PNPT1: variants seen among roughly 807,000 people sequenced by gnomAD.
The protein encoded by PNPT1 is polyribonucleotide nucleotidyltransferase 1.
Under a neutral mutation model 119.5 loss-of-function variants are expected in PNPT1, and 53 were observed. The observed-to-expected ratio is 0.44, with a 90% confidence interval of 0.36 to 0.56. The LOEUF is 0.56. PNPT1 is among the 20% of genes least tolerant of loss of function. The pLI is 0.00. For synonymous variants in PNPT1, 357 were observed against 322.1 expected (o/e 1.11, Z -1.16); for missense variants, 948 against 938.5 (o/e 1.01, Z -0.13).
chr2:55,675,187 G>C (rs560108599), intron 8 of PNPT1, among the ~76,000 whole-genome samples: 2 of 152,148 alleles, frequency 1.3e-5, no homozygotes, highest in African/African-American at 4.8e-5. Context: ...ATGATCACTT[G>C]AGGCCAGCAG....
intron 7 of PNPT1, among the ~76,000 whole-genome samples, chr2:55,680,425 T>A (rs1697209295): frequency 7.6e-6 from 1 of 132,232 alleles, no homozygotes; most frequent in Non-Finnish European, 1.6e-5. Context: ...ATTTCCCAGT[T>A]AAAAAAAAAA....
intron 19 of PNPT1, 94 bp from the exon 20 acceptor site, chr2:55,646,580 T>A: frequency 1.1e-6 from 1 of 949,554 alleles, no homozygotes; most frequent in Non-Finnish European, 1.6e-6. Flanking sequence ...GCTTTAGAAG[T>A]AAACCATATC....
chr2:55,652,156 C>G (rs1370925522), intron 18 of PNPT1, among the ~76,000 whole-genome samples: 1 of 150,804 alleles, frequency 6.6e-6, no homozygotes, highest in African/African-American at 2.4e-5. Flanking sequence ...TGTATTATTA[C>G]CTCTTCAATC....
intron 2 of PNPT1, 35 bp downstream of exon 2, chr2:55,687,610 T>G (rs1157061220): frequency 6.6e-7 from 1 of 1,515,128 alleles, no homozygotes; most frequent in Non-Finnish European, 8.9e-7. Flanking sequence ...CCGTAACCAT[T>G]TTTAAGATGA....
intron 13 of PNPT1, among the ~76,000 whole-genome samples, chr2:55,665,516 T>A (rs533606650): frequency 6.6e-6 from 1 of 152,220 alleles, no homozygotes; most frequent in South Asian, 2.1e-4. Flanking sequence ...CAGAAATTAC[T>A]ACAAAATAGC....
Position 55,667,928 on chromosome 2 carries a change from A to G in PNPT1, c.1007T>C (p.Ile336Thr). ...EKFPEADPYE[I>T]IESFNVVAKE... is the part of the protein sequence containing the mutation. ...TGCAACAACATTGAAGGATTCTATT[A>G]TTTCATATGGATCGGCTTCTGGAAA... The change falls in exon 12 of 28, where the codon ATA becomes ACA. Residue 336 changes from isoleucine to threonine, a missense_variant. Physicochemically the swap from Ile to Thr is moderately conservative, Grantham distance 89. Transcript: ENST00000447944. 3 of 1,579,834 alleles carry G rather than the reference A, an allele frequency of 1.9e-6. No individual in the cohort carries two copies. The highest frequency in any genetic ancestry group is 2.6e-6 in the Non-Finnish European group (3 of 1,171,628).
chr2:55,686,491 T>A (rs1471370589), intron 2 of PNPT1, 47 bp from the exon 3 acceptor site: 2 of 1,450,444 alleles, frequency 1.4e-6, no homozygotes, highest in Non-Finnish European at 1.9e-6. Flanking sequence ...AAATCAGATA[T>A]TAGCATCTAA....
Position 55,662,024 on chromosome 2 carries a change from C to T in PNPT1, c.1179G>A (p.Val393=). The T allele has an allele frequency of 1.9e-6, 3 of 1,562,504 alleles. No homozygotes were observed. Among genetic ancestry groups the T allele is most frequent in the Non-Finnish European group, 2.6e-6 (3 of 1,162,132 alleles). The part of the protein sequence containing the change: ...SALFQRGQTQ[V]LCTVTFDSLE... ...ATGAATCAAATGTAACGGTACAAAG[C>T]ACCTAAAAAAGAAAAAGAATTCCTC... The change falls in exon 14 of 28, where the codon GTG becomes GTA. Residue 393 remains valine (V), a splice_region_variant and synonymous_variant. Coordinates refer to ENST00000447944, the MANE Select transcript of PNPT1 (RefSeq NM_033109.5).
chr2:55,671,868 T>C, intron 10 of PNPT1, 127 bp downstream of exon 10: 1 of 682,834 alleles, frequency 1.5e-6, no homozygotes. Flanking sequence ...CAATTAGGCT[T>C]TTGTTAGTTT....
chr2:55,682,430 C>T (rs1439542055), intron 5 of PNPT1, among the ~76,000 whole-genome samples: 2 of 151,776 alleles, frequency 1.3e-5, no homozygotes, highest in Non-Finnish European at 2.9e-5. Flanking sequence ...CATTGCACTC[C>T]AGCCTGGGTG....
At chr2:55,668,251 T>G (rs1451821278) in intron 11 of PNPT1, among the ~76,000 whole-genome samples, 3 of 152,194 alleles carry the variant, frequency 2.0e-5, no homozygotes, top group African/African-American at 7.2e-5. Context: ...TTTCTTTTCT[T>G]TTGGAGACAA....
intron 11 of PNPT1, among the ~76,000 whole-genome samples, chr2:55,668,726 A>G (rs916253198): frequency 6.6e-6 from 1 of 152,008 alleles, no homozygotes; most frequent in Non-Finnish European, 1.5e-5. Flanking sequence ...CAGCCTCCCT[A>G]GTAGCTGGGA....
At chr2:55,651,202 C>A (rs1267565549) in intron 18 of PNPT1, among the ~76,000 whole-genome samples, 1 of 149,978 alleles carries the variant, frequency 6.7e-6, no homozygotes, top group Non-Finnish European at 1.5e-5. Flanking sequence ...AGGTGAGGGG[C>A]GCCTCTGCCC....
chr2:55,651,440 T>C, intron 18 of PNPT1, among the ~76,000 whole-genome samples: 1 of 152,104 alleles, frequency 6.6e-6, no homozygotes, highest in East Asian at 1.9e-4. Context: ...AGAAAAATTC[T>C]TCTGCCTTGG....
At chr2:55,640,519 T>G (rs1412889372) in intron 26 of PNPT1, 108 bp downstream of exon 26, 36 of 949,152 alleles carry the variant, frequency 3.8e-5, no homozygotes, top group Non-Finnish European at 5.3e-5. Context: ...GTTTTCTCTG[T>G]TTAGGCTAGT....
intron 8 of PNPT1, among the ~76,000 whole-genome samples, chr2:55,677,470 T>A (rs1572828209): frequency 6.6e-6 from 1 of 151,828 alleles, no homozygotes; most frequent in Admixed American, 6.6e-5. Context: ...GGTGCACGCC[T>A]ATAATCCCAG....
At chr2:55,668,318 CCT>C (rs900886721) in intron 11 of PNPT1, among the ~76,000 whole-genome samples, 2 of 152,156 alleles carry the variant, frequency 1.3e-5, no homozygotes, top group Admixed American at 1.3e-4. Flanking sequence ...CTCACTGCAA[CCT>C]CTGTCTCCTG....
intron 1 of PNPT1, among the ~76,000 whole-genome samples, chr2:55,691,295 A>C (rs749327690): frequency 1.3e-5 from 2 of 152,254 alleles, no homozygotes; most frequent in South Asian, 2.1e-4. Flanking sequence ...ACCTGCCTCC[A>C]AGGTTACTGT....
At chr2:55,680,972 C>T in intron 5 of PNPT1, 54 bp from the exon 6 acceptor site, 2 of 1,422,202 alleles carry the variant, frequency 1.4e-6, no homozygotes, top group South Asian at 1.2e-5. Flanking sequence ...GGTTAACATC[C>T]TGACCTAAAA....
Sources: gnomAD v4.1 joint callset for allele counts (sites outside exome capture counted in the v4.1 genomes callset) on GRCh38, gnomAD v4.1.1 for gene constraint, MANE v1.5 for transcripts, NCBI Gene and HGNC (gene_info 2026-07-23, HGNC 2026-07-21) for gene names.